The following NXN variants were observed in gnomAD, a reference collection of about 807,000 sequenced individuals.
NXN encodes the protein nucleoredoxin 1.
Under a neutral mutation model 48.6 loss-of-function variants are expected in NXN, and 16 were observed. That is an observed-to-expected ratio of 0.33 (90% confidence interval 0.22 to 0.50). NXN has a LOEUF of 0.50. Among genes scored for constraint, NXN ranks in the 20% least tolerant of loss-of-function variants. The probability of loss-of-function intolerance (pLI) is 0.98; values close to 1 mark genes in which losing one functional copy is unlikely to be tolerated. For synonymous variants in NXN, 281 were observed against 269.6 expected (o/e 1.04, Z -0.41); for missense variants, 492 against 605.5 (o/e 0.81, Z 1.97).
intron 1 of NXN, among the ~76,000 whole-genome samples, chr17:976,871 A>G (rs2069465946): frequency 6.6e-6 from 1 of 151,418 alleles, no homozygotes; most frequent in Non-Finnish European, 1.5e-5. Flanking sequence ...GGTTCAAGCG[A>G]TTCTCCTGCC....
chr17:803,654 C>G, intron 7 of NXN, 28 bp downstream of exon 7: 1 of 1,613,812 alleles, frequency 6.2e-7, no homozygotes, highest in East Asian at 2.2e-5. Flanking sequence ...TGAGCCAGCC[C>G]TGGGCCAAGC....
intron 3 of NXN, 106 bp downstream of exon 3, chr17:823,526 G>T: frequency 1.5e-6 from 2 of 1,346,476 alleles, no homozygotes; most frequent in South Asian, 2.7e-5. Context: ...AGAAGGCCGG[G>T]AAATTCCTGC....
intron 1 of NXN, among the ~76,000 whole-genome samples, chr17:834,730 C>G (rs8080028): frequency 0.41 from 62,321 of 150,962 alleles, 13,345 homozygotes; most frequent in African/African-American, 0.54. Flanking sequence ...ACGTTGGGCA[C>G]GCTGGTCTCG....
intron 2 of NXN, among the ~76,000 whole-genome samples, chr17:824,576 G>C (rs1306012201): frequency 6.6e-6 from 1 of 152,192 alleles, no homozygotes; most frequent in Non-Finnish European, 1.5e-5. Context: ...ACTGTACTTG[G>C]AATCAGCTGG....
rs1394541115 is a variant in NXN at position 919,093 on chromosome 17, C to T, written c.360+60226G>A. The stretch of plus-strand genomic sequence containing the variant: ...AAAAAAAAAAAATGTTTCAGCCAGG[C>T]TCGGTGGCTCACACCTGTAATCCCA... On this transcript the variant is annotated intron_variant, in intron 1 of 7. Coordinates refer to ENST00000336868, the MANE Select transcript of NXN (RefSeq NM_022463.5). This position sits in a 1 kb window ranked among gnomAD's most constrained non-coding sequence, Gnocchi z 5.1. Among the ~76,000 whole-genome samples the T allele has an allele frequency of 6.6e-6, 1 of 151,972 alleles. No individual in the cohort carries two copies. Among genetic ancestry groups the T allele is most frequent in the Non-Finnish European group, 1.5e-5 (1 of 68,010 alleles).
intron 1 of NXN, among the ~76,000 whole-genome samples, chr17:955,169 T>TC (rs2069152240): frequency 6.7e-6 from 1 of 148,788 alleles, no homozygotes; most frequent in Non-Finnish European, 1.5e-5. Flanking sequence ...TTTCTTTTTT[T>TC]TTTTTTTTTT....
rs1912368103 is a variant in NXN, at chr17:814,691, A to C, written c.820+4748T>G. Among the ~76,000 whole-genome samples, 3 of 152,158 alleles carry C rather than the reference A, an allele frequency of 2.0e-5. No individual in the cohort carries two copies. In the South Asian group the frequency reaches 6.2e-4, roughly 31 times the overall value. On this transcript the variant is annotated intron_variant, in intron 5 of 7. Transcript: ENST00000336868. Reference sequence around the variant, plus strand: ...CCCCTCTCCTAGTGACTTCCCGTGGAGCTCAGTACGGAGAGTATGGGATGG... The same window carrying C: ...CCCCTCTCCTAGTGACTTCCCGTGGCGCTCAGTACGGAGAGTATGGGATGG...
chr17:868,801 T>C (rs910606038), intron 1 of NXN, among the ~76,000 whole-genome samples: 103 of 152,336 alleles, frequency 6.8e-4, no homozygotes, highest in African/African-American at 2.3e-3. Flanking sequence ...CGAAACTACC[T>C]TCTCTACATC....
chr17:879,827 G>C (rs1448090600), intron 1 of NXN: 3 of 152,110 alleles, frequency 2.0e-5, no homozygotes, highest in Admixed American at 2.0e-4. Context: ...AAGAAAGAAT[G>C]TGGCCAAGTA....
Position 885,672 on chromosome 17 carries a change from C to CTTTTTT in NXN, c.361-59600_361-59595dup, listed in dbSNP as rs532225883. Among the ~76,000 whole-genome samples the CTTTTTT allele has an allele frequency of 1.9e-3, 157 of 83,756 alleles. 24 individuals are homozygous for CTTTTTT. Among genetic ancestry groups the CTTTTTT allele is most frequent in the Non-Finnish European group, 2.4e-3 (113 of 47,546 alleles). 54.9% of individuals were successfully genotyped at this position (83,756 alleles called of 152,430 possible). A position where few individuals can be genotyped will look rare whatever the true frequency, so the allele number is the denominator to read the frequency against. On this transcript the variant is annotated intron_variant, in intron 1 of 7. Coordinates refer to ENST00000336868, the MANE Select transcript of NXN (RefSeq NM_022463.5). ...GCCCACCTGGGGGCTGCGGTACTCG[C>CTTTTTT]TTTTTTTTTTTTTTTTTTTTTTTTT...
intron 1 of NXN, among the ~76,000 whole-genome samples, chr17:962,128 T>C (rs2069244963): frequency 6.6e-6 from 1 of 152,176 alleles, no homozygotes; most frequent in African/African-American, 2.4e-5. Context: ...AGTGAGATTC[T>C]GTCTCAAGAA....
At chr17:903,122 T>C (rs572326164) in intron 1 of NXN, among the ~76,000 whole-genome samples, 10 of 152,250 alleles carry the variant, frequency 6.6e-5, no homozygotes, top group Middle Eastern at 6.8e-3. Flanking sequence ...TTGAACACAA[T>C]GTATAACTAT....
At chr17:877,149 G>C (rs944046563) in intron 1 of NXN, among the ~76,000 whole-genome samples, 1 of 151,762 alleles carries the variant, frequency 6.6e-6, no homozygotes, top group Non-Finnish European at 1.5e-5. Flanking sequence ...GAACAGCGAC[G>C]GTGTTGTTTT....
At chr17:924,070 G>GT (rs535263185) in intron 1 of NXN, among the ~76,000 whole-genome samples, 5,025 of 142,536 alleles carry the variant, frequency 0.035, 127 homozygotes, top group African/African-American at 0.082. Flanking sequence ...TTCTCAAAAA[G>GT]TTTTTTTTTT....
intron 1 of NXN, among the ~76,000 whole-genome samples, chr17:947,784 T>A (rs1199142846): frequency 7.6e-6 from 1 of 132,220 alleles, no homozygotes; most frequent in Admixed American, 8.0e-5. Context: ...ACGCCTGTAA[T>A]CCTAGCACTT....
At chr17:854,759 G>C (rs1361163409) in intron 1 of NXN, among the ~76,000 whole-genome samples, 1 of 151,720 alleles carries the variant, frequency 6.6e-6, no homozygotes, top group African/African-American at 2.4e-5. Flanking sequence ...AGGAATTTGA[G>C]ACCAGCCTAG....
chr17:869,457 C>T (rs775750384), intron 1 of NXN, among the ~76,000 whole-genome samples: 2 of 152,174 alleles, frequency 1.3e-5, no homozygotes, highest in African/African-American at 4.8e-5. Flanking sequence ...ACACAGATTA[C>T]GAGGTGGAAG....
At chr17:902,370 A>C (rs1288655660) in intron 1 of NXN, among the ~76,000 whole-genome samples, 2 of 152,204 alleles carry the variant, frequency 1.3e-5, no homozygotes, top group Non-Finnish European at 2.9e-5. Flanking sequence ...AGGCACGAGA[A>C]TGTCCTTCTG....
intron 1 of NXN, among the ~76,000 whole-genome samples, chr17:976,971 G>A (rs945940215): frequency 6.6e-6 from 1 of 152,048 alleles, no homozygotes. Context: ...TCTCCATGTT[G>A]GTCAGGCTGG....
Sources: gnomAD v4.1 joint callset for allele counts (sites outside exome capture counted in the v4.1 genomes callset) on GRCh38, gnomAD v4.1.1 for gene constraint, Gnocchi (gnomAD v3.1) non-coding constraint, MANE v1.5 for transcripts, NCBI Gene and HGNC (gene_info 2026-07-23, HGNC 2026-07-21) for gene names.